IMMP2L: variants seen among roughly 807,000 people sequenced by gnomAD.
The protein encoded by IMMP2L is mitochondrial inner membrane protease subunit 2.
A neutral mutation model predicts 19.3 loss-of-function variants in IMMP2L; 18 were observed. That is an observed-to-expected ratio of 0.93 (90% CI 0.64 to 1.38). IMMP2L has a LOEUF of 1.38. Among genes scored for constraint, IMMP2L ranks in the 40% most tolerant of loss-of-function variants. The pLI is 0.00. For missense variants in IMMP2L, 233 were observed against 218.2 expected (o/e 1.07, Z -0.43); for synonymous variants, 76 against 73.0 (o/e 1.04, Z -0.21).
chr7:111,400,654 T>C (rs1440587024), intron 3 of IMMP2L, among the ~76,000 whole-genome samples: 1 of 152,038 alleles, frequency 6.6e-6, no homozygotes, highest in African/African-American at 2.4e-5. Flanking sequence ...CATGTTAAAT[T>C]TGTGTGTAGA....
intron 4 of IMMP2L, 34 bp from the exon 5 acceptor site, chr7:110,886,729 G>A: frequency 1.0e-6 from 1 of 1,000,534 alleles, no homozygotes; most frequent in South Asian, 1.3e-5. Context: ...TGAGATATGA[G>A]TAGAAAAGAG....
At chr7:111,522,926 C>CATATATATATATATATGTATAT (rs148789480) in intron 1 of IMMP2L, among the ~76,000 whole-genome samples, 13 of 134,866 alleles carry the variant, frequency 9.6e-5, no homozygotes, top group African/African-American at 1.3e-4. Context: ...ATGTGAGATA[C>CATATATATATATATATGTATAT]ATATATATAT....
At chr7:110,741,597 T>A (rs1348330608) in intron 5 of IMMP2L, among the ~76,000 whole-genome samples, 2 of 152,220 alleles carry the variant, frequency 1.3e-5, no homozygotes, top group Non-Finnish European at 2.9e-5. Context: ...GATCTTGGAC[T>A]TGCCAGACTT....
At chr7:111,070,305 C>T (rs1449813257) in intron 3 of IMMP2L, among the ~76,000 whole-genome samples, 1 of 152,184 alleles carries the variant, frequency 6.6e-6, no homozygotes, top group Non-Finnish European at 1.5e-5. Flanking sequence ...GTCTAACATG[C>T]TGCAAAACAT....
intron 3 of IMMP2L, among the ~76,000 whole-genome samples, chr7:111,343,162 C>A (rs182366083): frequency 5.3e-5 from 8 of 152,224 alleles, no homozygotes; most frequent in Admixed American, 1.3e-4. Context: ...ATTATTCACA[C>A]TACAATTACA....
intron 3 of IMMP2L, among the ~76,000 whole-genome samples, chr7:111,372,081 G>C (rs1181979417): frequency 1.3e-5 from 2 of 151,920 alleles, no homozygotes; most frequent in African/African-American, 4.8e-5. Context: ...TTACACAACT[G>C]CCAGTCTGAG....
chr7:110,822,777 G>C (rs1024130838), intron 5 of IMMP2L, among the ~76,000 whole-genome samples: 2 of 152,046 alleles, frequency 1.3e-5, no homozygotes, highest in Non-Finnish European at 2.9e-5. Flanking sequence ...TTTAAAATAT[G>C]TTTACTCCCC....
intron 3 of IMMP2L, among the ~76,000 whole-genome samples, chr7:110,999,311 T>C (rs978664132): frequency 1.1e-4 from 12 of 111,612 alleles, no homozygotes; most frequent in Admixed American, 6.7e-4. Context: ...TTTCTTTTTT[T>C]TTTTTCTCAT....
At chr7:111,293,572 A>T (rs1285232365) in intron 3 of IMMP2L, among the ~76,000 whole-genome samples, 1 of 151,984 alleles carries the variant, frequency 6.6e-6, no homozygotes, top group East Asian at 1.9e-4. Context: ...AAAATTGCTG[A>T]TTGACAAGGA....
chr7:110,839,652 C>T (rs191165805), intron 5 of IMMP2L, among the ~76,000 whole-genome samples: 114 of 152,046 alleles, frequency 7.5e-4, no homozygotes, highest in African/African-American at 2.7e-3. Context: ...ATATTAAACA[C>T]ATGAATGGAT....
At chr7:111,398,444 C>T (rs1833088624) in intron 3 of IMMP2L, among the ~76,000 whole-genome samples, 4 of 152,060 alleles carry the variant, frequency 2.6e-5, no homozygotes, top group Non-Finnish European at 5.9e-5. Flanking sequence ...TTAAAACTTT[C>T]AGCAAAAATC....
intron 3 of IMMP2L, among the ~76,000 whole-genome samples, chr7:111,260,135 T>A (rs1817162177): frequency 6.6e-6 from 1 of 152,186 alleles, no homozygotes; most frequent in African/African-American, 2.4e-5. Context: ...AGTAAATACA[T>A]AAGCCAGTAA....
At chr7:111,207,953 C>T (rs1046286100) in intron 3 of IMMP2L, among the ~76,000 whole-genome samples, 4 of 152,178 alleles carry the variant, frequency 2.6e-5, no homozygotes, top group Non-Finnish European at 5.9e-5. Context: ...TCCATCCTCG[C>T]TGTACCCTAT....
chr7:111,412,274 G>C (rs914724248), intron 3 of IMMP2L, among the ~76,000 whole-genome samples: 2 of 151,660 alleles, frequency 1.3e-5, no homozygotes, highest in Non-Finnish European at 2.9e-5. Context: ...AAACAGTAAG[G>C]ATATAAAATA....
chr7:111,521,735 G>T (rs955732518), intron 1 of IMMP2L, among the ~76,000 whole-genome samples: 1 of 152,058 alleles, frequency 6.6e-6, no homozygotes, highest in Non-Finnish European at 1.5e-5. Context: ...AAGCATTCCA[G>T]AAGTAAATTC....
At chr7:110,960,538 C>T (rs1365418005) in intron 4 of IMMP2L, among the ~76,000 whole-genome samples, 1 of 151,752 alleles carries the variant, frequency 6.6e-6, no homozygotes, top group Non-Finnish European at 1.5e-5. Context: ...GGATTTGCAT[C>T]GTATCTATAT....
At chr7:111,146,252 G>A (rs1803460772) in intron 3 of IMMP2L, among the ~76,000 whole-genome samples, 1 of 140,010 alleles carries the variant, frequency 7.1e-6, no homozygotes, top group Non-Finnish European at 1.6e-5. Flanking sequence ...AGGGAGGGGA[G>A]GAAAGGGAGG....
intron 3 of IMMP2L, among the ~76,000 whole-genome samples, chr7:111,195,702 C>T (rs757466847): frequency 9.6e-3 from 4 of 418 alleles, no homozygotes; most frequent in Non-Finnish European, 0.013. Context: ...TTATGAGTGT[C>T]GACGATTCTA....
rs995782263 is a variant in IMMP2L at position 111,329,272 on chromosome 7, G to GA, written c.239+157965dup. ...TGAAAAGAAACAGAAACAGGAAGAGGAAAAAAAAGAGAAGGAGAAGAATTA... is the reference window on the plus strand; with the variant it reads ...TGAAAAGAAACAGAAACAGGAAGAGGAAAAAAAAAGAGAAGGAGAAGAATTA... On this transcript the variant is annotated intron_variant, in intron 3 of 5. Coordinates refer to ENST00000405709, the MANE Select transcript of IMMP2L (RefSeq NM_032549.4). Among the ~76,000 whole-genome samples the GA allele has an allele frequency of 4.6e-5, 7 of 150,848 alleles. No homozygotes were observed. The East Asian group carries it at 5.8e-4, about 13-fold the overall frequency.
Sources: allele counts gnomAD v4.1 joint callset (sites outside exome capture counted in the v4.1 genomes callset), GRCh38; gene constraint gnomAD v4.1.1; transcripts MANE v1.5; gene names NCBI Gene and HGNC (gene_info 2026-07-23, HGNC 2026-07-21).